Variants in CYTH3 observed in about 807,000 individuals in gnomAD.
CYTH3 encodes the protein cytohesin-3.
A neutral mutation model predicts 55.1 loss-of-function variants in CYTH3; 23 were observed. The ratio of observed to expected loss-of-function variants is 0.42; its 90% CI spans 0.30 to 0.59. The LOEUF is 0.59. Among genes scored for constraint, CYTH3 ranks in the 20% least tolerant of loss-of-function variants. CYTH3 has a pLI of 0.20. For synonymous variants in CYTH3, 249 were observed against 194.9 expected (o/e 1.28, Z -2.31); for missense variants, 413 against 524.8 (o/e 0.79, Z 2.08).
At chr7:6,246,721 T>C (rs762975423) in intron 1 of CYTH3, among the ~76,000 whole-genome samples, 28 of 137,450 alleles carry the variant, frequency 2.0e-4, no homozygotes, top group Admixed American at 9.7e-4. Flanking sequence ...CTGACCCAGA[T>C]TTATTATTGT....
chr7:6,246,860 T>G (rs1424550669), intron 1 of CYTH3, among the ~76,000 whole-genome samples: 1 of 152,256 alleles, frequency 6.6e-6, no homozygotes, highest in African/African-American at 2.4e-5. Flanking sequence ...TAAATTTATG[T>G]TTACATGATT....
chr7:6,266,699 C>T (rs1234982636), intron 1 of CYTH3, among the ~76,000 whole-genome samples: 1 of 151,486 alleles, frequency 6.6e-6, no homozygotes, highest in Admixed American at 6.6e-5. Flanking sequence ...CAGAGGCCTT[C>T]CCTGGCCACG....
intron 1 of CYTH3, among the ~76,000 whole-genome samples, chr7:6,231,904 G>C (rs750333324): frequency 6.6e-6 from 1 of 152,104 alleles, no homozygotes; most frequent in Non-Finnish European, 1.5e-5. Flanking sequence ...CTTCACTGTC[G>C]GAACAGGCTC....
intron 1 of CYTH3, among the ~76,000 whole-genome samples, chr7:6,210,974 T>C (rs755390440): frequency 2.6e-5 from 4 of 152,232 alleles, no homozygotes; most frequent in Non-Finnish European, 5.9e-5. Flanking sequence ...TCCGGAATTT[T>C]TTCTCAATTT....
Position 6,177,805 on chromosome 7 carries a change from C to T in CYTH3, c.368+18G>A. The stretch of plus-strand genomic sequence containing the variant: ...CTGAGTGGCCCCAGGTAGGGCTTTG[C>T]ATCCTCCTCTAACTCACCTTTCACC... On this transcript the variant is annotated intron_variant, in intron 5 of 12. Coordinates refer to ENST00000350796, the MANE Select transcript of CYTH3 (RefSeq NM_004227.4). 3 of 1,591,698 alleles carry T rather than the reference C, an allele frequency of 1.9e-6. No homozygotes were observed. Among genetic ancestry groups the T allele is most frequent in the Non-Finnish European group, 2.6e-6 (3 of 1,160,126 alleles).
At chr7:6,165,111 AG>A in intron 12 of CYTH3, 95 bp from the exon 13 acceptor site, 1 of 1,580,300 alleles carries the variant, frequency 6.3e-7, no homozygotes, top group Non-Finnish European at 8.7e-7. Flanking sequence ...ACAGGACCGC[AG>A]GCTCAGATCT....
chr7:6,238,389 A>G, intron 1 of CYTH3, among the ~76,000 whole-genome samples: 1 of 152,244 alleles, frequency 6.6e-6, no homozygotes, highest in East Asian at 1.9e-4. Flanking sequence ...AGAAATAAGT[A>G]TTGAAAGATT....
rs556790870 is a variant in CYTH3 at position 6,242,791 on chromosome 7, A to G, written c.34+29683T>C. On this transcript the variant is annotated intron_variant, in intron 1 of 12. Coordinates refer to ENST00000350796, the MANE Select transcript of CYTH3 (RefSeq NM_004227.4). ...TCACAGGAATTCCCTGTCATACTACATTCAACACCATCCTACCCAGTGCCT... is the reference window on the plus strand; with the variant it reads ...TCACAGGAATTCCCTGTCATACTACGTTCAACACCATCCTACCCAGTGCCT... Among the ~76,000 whole-genome samples, 221 of 152,232 alleles carry G rather than the reference A, an allele frequency of 1.5e-3. 3 individuals carry two copies. The highest frequency in any genetic ancestry group is 5.9e-5 in the Non-Finnish European group (4 of 68,000).
chr7:6,188,896 A>T (rs1171594464), intron 2 of CYTH3: 1 of 152,258 alleles, frequency 6.6e-6, no homozygotes, highest in African/African-American at 2.4e-5. Context: ...TAACCTTAGA[A>T]GAAAAATTTC....
In CYTH3 at chr7:6,169,726, T is replaced by A. The variant is rs1487538278; in HGVS notation, c.823+809A>T. 6.6e-6 allele frequency among the ~76,000 whole-genome samples: 1 copy of A among 152,086 alleles called. No homozygotes were observed. Among genetic ancestry groups the A allele is most frequent in the Non-Finnish European group, 1.5e-5 (1 of 67,994 alleles). On this transcript the variant is annotated intron_variant, in intron 9 of 12. Transcript: ENST00000350796. The surrounding 1 kb of genome is among the most constrained non-coding windows in gnomAD (Gnocchi z 4.1). ...TGCCCTAAATTGCTCCAAAGGCCTT[T>A]AGAGCACTCCCGAAATCTCTCCATG...
intron 9 of CYTH3, 105 bp from the exon 10 acceptor site, chr7:6,165,915 C>T: frequency 9.0e-7 from 1 of 1,116,516 alleles, no homozygotes; most frequent in African/African-American, 1.5e-5. Flanking sequence ...TCAGAAAGGC[C>T]ACCAGGCGCC....
chr7:6,186,483 G>C (rs1409744882), intron 4 of CYTH3, among the ~76,000 whole-genome samples: 2 of 152,182 alleles, frequency 1.3e-5, no homozygotes, highest in African/African-American at 4.8e-5. Context: ...CGGTTTTCGA[G>C]TGTCTCCCTA....
chr7:6,266,386 C>T (rs553862039), intron 1 of CYTH3, among the ~76,000 whole-genome samples: 4 of 152,248 alleles, frequency 2.6e-5, no homozygotes, highest in African/African-American at 4.8e-5. Context: ...TAAATTAAGA[C>T]GCAGAAAGTA....
intron 1 of CYTH3, among the ~76,000 whole-genome samples, chr7:6,221,650 G>A (rs1784556289): frequency 6.6e-6 from 1 of 152,070 alleles, no homozygotes; most frequent in Admixed American, 6.6e-5. Flanking sequence ...GAACCTTTAT[G>A]TACTGTTATC....
chr7:6,219,942 T>A (rs1353757984), intron 1 of CYTH3, among the ~76,000 whole-genome samples: 2 of 152,174 alleles, frequency 1.3e-5, no homozygotes, highest in South Asian at 4.1e-4. Flanking sequence ...GACTGTGGTG[T>A]TGGCAGAGGG....
chr7:6,185,400 A>G (rs1485445296), intron 4 of CYTH3, among the ~76,000 whole-genome samples: 2 of 151,466 alleles, frequency 1.3e-5, no homozygotes, highest in African/African-American at 2.4e-5. Context: ...AGCCTGGCCA[A>G]CGTGGTGAAA....
intron 1 of CYTH3, among the ~76,000 whole-genome samples, chr7:6,259,773 T>TATA (rs1780259101): frequency 4.5e-5 from 1 of 22,298 alleles, no homozygotes; most frequent in African/African-American, 6.2e-4. Flanking sequence ...ATATATATAT[T>TATA]ATATATATAT....
At chr7:6,237,536 C>A (rs145153994) in intron 1 of CYTH3, among the ~76,000 whole-genome samples, 1 of 151,908 alleles carries the variant, frequency 6.6e-6, no homozygotes. Context: ...GGTGAAACCC[C>A]GTCTCTACGA....
chr7:6,253,813 C>A (rs974327675), intron 1 of CYTH3, among the ~76,000 whole-genome samples: 4 of 150,216 alleles, frequency 2.7e-5, no homozygotes, highest in Admixed American at 1.3e-4. Context: ...GAGATGCTGT[C>A]TCAAAAATAA....
Sources: allele counts gnomAD v4.1 joint callset (sites outside exome capture counted in the v4.1 genomes callset), GRCh38; gene constraint gnomAD v4.1.1; non-coding constraint Gnocchi (gnomAD v3.1); transcripts MANE v1.5; gene names NCBI Gene and HGNC (gene_info 2026-07-23, HGNC 2026-07-21).